ETV6: variants seen among roughly 807,000 people sequenced by gnomAD.
ETV6 encodes the protein ETS variant transcription factor 6.
A neutral mutation model predicts 51.1 loss-of-function variants in ETV6; 16 were observed. The observed-to-expected ratio is 0.31, with a 90% CI of 0.21 to 0.48. The LOEUF (loss-of-function observed/expected upper bound fraction) is 0.48, where lower values mean the gene tolerates loss of function less well. Among genes scored for constraint, ETV6 ranks in the 20% least tolerant of loss-of-function variants. ETV6 has a pLI of 0.99. For synonymous variants in ETV6, 240 were observed against 224.1 expected (o/e 1.07, Z -0.64); for missense variants, 458 against 594.8 (o/e 0.77, Z 2.39).
rs1380138200 is a variant in ETV6 at position 11,649,961 on chromosome 12, C to T, written c.-167C>T. 46 of 453,162 alleles carry T rather than the reference C, an allele frequency of 1.0e-4. No individual in the cohort carries two copies. Among genetic ancestry groups the T allele is most frequent in the South Asian group, 6.7e-4 (8 of 11,928 alleles). The allele number at this position is 453,162 out of a possible 1,614,324, so 28.1% of individuals were successfully genotyped here. ...GCGCGCCCAACTCCGCCGGCCGCCC[C>T]GCCCCGCCCCGCGCGCTCCAGACCC... is the stretch of plus-strand genomic sequence containing the variant. On this transcript the variant is annotated 5_prime_UTR_variant, in exon 1 of 8. Transcript: ENST00000396373.
intron 1 of ETV6, among the ~76,000 whole-genome samples, chr12:11,725,732 T>C (rs973005822): frequency 2.0e-5 from 3 of 152,172 alleles, no homozygotes; most frequent in African/African-American, 7.2e-5. Flanking sequence ...GTTCTCGCTC[T>C]GTTAGTTCTC....
chr12:11,792,103 G>A lies in ETV6; in HGVS notation c.163+39524G>A, dbSNP rs118022790. 2.6e-3 allele frequency among the ~76,000 whole-genome samples: 390 copies of A among 152,320 alleles called. 1 individual carries two copies. Among genetic ancestry groups the A allele is most frequent in the Non-Finnish European group, 2.6e-3 (179 of 68,032 alleles). ...AGCAAATAGATAAATCAATATACAC[G>A]TGTAGTATAAATGTATAGAACACCT... On this transcript the variant is annotated intron_variant, in intron 2 of 7. Transcript: ENST00000396373.
chr12:11,745,608 C>A (rs1025081258), intron 1 of ETV6, among the ~76,000 whole-genome samples: 5 of 152,256 alleles, frequency 3.3e-5, no homozygotes, highest in Middle Eastern at 3.4e-3. Flanking sequence ...GCTTGGACTG[C>A]GGCCACTGTG....
At chr12:11,882,694 C>T (rs931436127) in intron 5 of ETV6, among the ~76,000 whole-genome samples, 2 of 152,192 alleles carry the variant, frequency 1.3e-5, no homozygotes, top group Admixed American at 6.5e-5. Flanking sequence ...TGCTGTTATT[C>T]CCACTTCATA....
Position 11,727,848 on chromosome 12 carries a change from C to G in ETV6, c.34-24602C>G, listed in dbSNP as rs572483919. Among the ~76,000 whole-genome samples, 8 of 152,200 alleles carry G rather than the reference C, an allele frequency of 5.3e-5. No individual in the cohort carries two copies. In the East Asian group the frequency reaches 1.3e-3, roughly 26 times the overall value. ...TTTATTTTTTACTTTGAGACGGAGT[C>G]TCTCTTTGTTGCCCAGGCTGGAGTG... On this transcript the variant is annotated intron_variant, in intron 1 of 7. Coordinates refer to ENST00000396373, the MANE Select transcript of ETV6 (RefSeq NM_001987.5).
intron 1 of ETV6, among the ~76,000 whole-genome samples, chr12:11,662,218 C>A (rs1303701853): frequency 1.3e-5 from 2 of 152,082 alleles, no homozygotes; most frequent in Non-Finnish European, 2.9e-5. Context: ...GTTTGCCCTG[C>A]TGGGAGAGAT....
rs1239414650 is a variant in ETV6 at position 11,884,404 on chromosome 12, AAACATTTTC to A, written c.1010-36_1010-28del. The A allele has an allele frequency of 2.5e-6, 4 of 1,611,444 alleles. No homozygotes were observed. The South Asian group carries it at 3.3e-5, about 13-fold the overall frequency. On this transcript the variant is annotated intron_variant, in intron 5 of 7. Transcript: ENST00000396373. ...TTCTTCTGGTTAGTGCCTCAACAAGAAACATTTTCAACAGTGTTTTCTTGCCCTTTTCCT... is the reference window on the plus strand; with the variant it reads ...TTCTTCTGGTTAGTGCCTCAACAAGAAACAGTGTTTTCTTGCCCTTTTCCT...
rs1189053591 is a variant in ETV6 at position 11,688,203 on chromosome 12, GCC to G, written c.33+38044_33+38045del. On this transcript the variant is annotated intron_variant, in intron 1 of 7. Transcript: ENST00000396373. ...AGTAGATACCTTACGGGCAAAGGAA[GCC>G]GACCACCTCATGGAAGAGTCTGGTG... Among the ~76,000 whole-genome samples, 24 of 152,184 alleles carry G rather than the reference GCC, an allele frequency of 1.6e-4. 1 individual carries two copies. The highest frequency in any genetic ancestry group is 1.4e-3 in the Admixed American group (21 of 15,288).
chr12:11,682,060 T>C (rs1864540925), intron 1 of ETV6, among the ~76,000 whole-genome samples: 1 of 152,246 alleles, frequency 6.6e-6, no homozygotes, highest in Non-Finnish European at 1.5e-5. Flanking sequence ...AGTAGAATGA[T>C]TTATTACCCT....
intron 3 of ETV6, among the ~76,000 whole-genome samples, chr12:11,847,401 G>A (rs1314672065): frequency 6.6e-6 from 1 of 152,196 alleles, no homozygotes. Flanking sequence ...CCAGGCTGGA[G>A]TAGATTTAGC....
chr12:11,891,521 A>G lies in ETV6; in HGVS notation c.*475A>G. On this transcript the variant is annotated 3_prime_UTR_variant, in exon 8 of 8. Transcript: ENST00000396373. Reference sequence around the variant, plus strand: ...CAAGCCCAGCTGGTCAGGAAAGAGAATACTTGCAGAGGGGTTCAGGTTCCT... The same window carrying G: ...CAAGCCCAGCTGGTCAGGAAAGAGAGTACTTGCAGAGGGGTTCAGGTTCCT... 1 of 531,030 alleles carries G rather than the reference A, an allele frequency of 1.9e-6. No individual in the cohort carries two copies. Among genetic ancestry groups the G allele is most frequent in the South Asian group, 1.6e-5 (1 of 64,020 alleles). The allele number at this position is 531,030 out of a possible 1,614,324, so 32.9% of individuals were successfully genotyped here.
intron 1 of ETV6, among the ~76,000 whole-genome samples, chr12:11,703,387 A>G (rs1305363980): frequency 1.3e-5 from 2 of 152,184 alleles, no homozygotes; most frequent in Non-Finnish European, 2.9e-5. Context: ...TGTGATAAAA[A>G]TAATTTAAGA....
At chr12:11,775,365 T>A (rs1258242518) in intron 2 of ETV6, among the ~76,000 whole-genome samples, 2 of 152,208 alleles carry the variant, frequency 1.3e-5, no homozygotes, top group Admixed American at 1.3e-4. Context: ...ACAACAAACG[T>A]TTACCAGTCT....
rs1002527057 is a variant in ETV6, at chr12:11,749,548, C to T, written c.34-2902C>T. Among the ~76,000 whole-genome samples the T allele has an allele frequency of 2.6e-5, 4 of 152,192 alleles. No homozygotes were observed. In the South Asian group the frequency reaches 6.2e-4, roughly 24 times the overall value. Reference sequence around the variant, plus strand: ...TCCTTAAACTTCTCTGTCTAGATGTCTCCATCTGAGATAGTGGTATTTGGT... The same window carrying T: ...TCCTTAAACTTCTCTGTCTAGATGTTTCCATCTGAGATAGTGGTATTTGGT... On this transcript the variant is annotated intron_variant, in intron 1 of 7. Transcript: ENST00000396373.
chr12:11,680,773 A>G (rs1371129624), intron 1 of ETV6, among the ~76,000 whole-genome samples: 5 of 152,250 alleles, frequency 3.3e-5, no homozygotes, highest in South Asian at 4.1e-4. Flanking sequence ...GGAACTGGCC[A>G]TAAAGCAGCC....
At chr12:11,738,066 TG>T (rs1865737386) in intron 1 of ETV6, among the ~76,000 whole-genome samples, 3 of 152,112 alleles carry the variant, frequency 2.0e-5, no homozygotes, top group Admixed American at 2.0e-4. Context: ...GTTTATATGG[TG>T]GTGTCTTGGG....
intron 4 of ETV6, among the ~76,000 whole-genome samples, chr12:11,866,348 C>T (rs1318189346): frequency 6.6e-6 from 1 of 152,170 alleles, no homozygotes; most frequent in African/African-American, 2.4e-5. Context: ...TGCATTATCT[C>T]AGGTTCTGTT....
intron 2 of ETV6, among the ~76,000 whole-genome samples, chr12:11,784,458 CAAA>C (rs33973168): frequency 4.0e-4 from 47 of 118,234 alleles, no homozygotes; most frequent in African/African-American, 7.1e-4. Context: ...GACTCCATCT[CAAA>C]AAAAAAAAAA....
At chr12:11,812,027 G>A (rs1346029571) in intron 2 of ETV6, among the ~76,000 whole-genome samples, 1 of 152,196 alleles carries the variant, frequency 6.6e-6, no homozygotes, top group Non-Finnish European at 1.5e-5. Flanking sequence ...CAGTAAAAAT[G>A]TCCCAATGCT....
Sources: allele counts gnomAD v4.1 joint callset (sites outside exome capture counted in the v4.1 genomes callset), GRCh38; gene constraint gnomAD v4.1.1; transcripts MANE v1.5; gene names NCBI Gene and HGNC (gene_info 2026-07-23, HGNC 2026-07-21).